ANKS1B: variants seen among roughly 807,000 people sequenced by gnomAD.
ANKS1B encodes ankyrin repeat and sterile alpha motif domain-containing protein 1B.
ANKS1B carries 36 observed loss-of-function variants against 148.3 expected under a neutral mutation model. The ratio of observed to expected loss-of-function variants is 0.24; its 90% CI spans 0.19 to 0.32. ANKS1B has a LOEUF of 0.32. ANKS1B is among the 10% of genes least tolerant of loss of function. The pLI, the probability that ANKS1B is intolerant of heterozygous loss-of-function variation, is 1.00. For synonymous variants in ANKS1B, 542 were observed against 560.8 expected, an observed-to-expected ratio of 0.97 and a Z score of 0.47; for missense variants, 1,157 against 1,542.6, an observed-to-expected ratio of 0.75 and a Z score of 4.19.
Position 99,049,306 on chromosome 12 carries a change from G to A in ANKS1B, c.2778+3851C>T, listed in dbSNP as rs532866942. On this transcript the variant is annotated intron_variant, in intron 17 of 26. Transcript: ENST00000683438. ...TTACCTTTATTCAATATGTACACAC[G>A]CACACACACACACACACCCACACAC... 1.2e-3 allele frequency among the ~76,000 whole-genome samples: 172 copies of A among 148,350 alleles called. 2 individuals are homozygous for A. Among genetic ancestry groups the A allele is most frequent in the African/African-American group, 3.6e-3 (147 of 40,382 alleles).
Position 99,203,641 on chromosome 12 carries a change from T to C in ANKS1B, c.2419+40701A>G, listed in dbSNP as rs569249712. Among the ~76,000 whole-genome samples the C allele has an allele frequency of 8.6e-3, 1,305 of 152,132 alleles. 23 individuals are homozygous for C. The highest frequency in any genetic ancestry group is 0.03 in the African/African-American group (1,251 of 41,502). On this transcript the variant is annotated intron_variant, in intron 14 of 26. Transcript: ENST00000683438. Reference sequence around the variant, plus strand: ...AATTTTTTTGTACTTTTAGTAGAGATGGGGTTTCACTGTGTTAGCCAGGAT... The same window carrying C: ...AATTTTTTTGTACTTTTAGTAGAGACGGGGTTTCACTGTGTTAGCCAGGAT...
intron 9 of ANKS1B, among the ~76,000 whole-genome samples, chr12:99,645,789 C>G (rs1355089105): frequency 2.0e-5 from 3 of 151,960 alleles, no homozygotes; most frequent in Admixed American, 2.0e-4. Flanking sequence ...CAGACAAACC[C>G]CATCAAATTC....
intron 12 of ANKS1B, among the ~76,000 whole-genome samples, chr12:99,359,323 A>G (rs1329671883): frequency 1.3e-5 from 2 of 151,994 alleles, no homozygotes; most frequent in Non-Finnish European, 2.9e-5. Context: ...CTCTTGTTAT[A>G]TTTAGTAGGA....
chr12:99,228,972 C>T (rs1257759529), intron 14 of ANKS1B, among the ~76,000 whole-genome samples: 1 of 151,626 alleles, frequency 6.6e-6, no homozygotes, highest in African/African-American at 2.4e-5. Context: ...TATTTGTTTA[C>T]TAAATTTGGA....
intron 14 of ANKS1B, among the ~76,000 whole-genome samples, chr12:99,217,464 G>A (rs539426621): frequency 6.6e-6 from 1 of 152,170 alleles, no homozygotes; most frequent in Admixed American, 6.5e-5. Flanking sequence ...CTGCCTGGAT[G>A]TTCCATTATG....
chr12:99,531,826 T>C (rs980229107), intron 9 of ANKS1B, among the ~76,000 whole-genome samples: 1 of 152,198 alleles, frequency 6.6e-6, no homozygotes, highest in Non-Finnish European at 1.5e-5. Flanking sequence ...ACCAACAGTT[T>C]ATAAGCATTC....
intron 14 of ANKS1B, among the ~76,000 whole-genome samples, chr12:99,237,292 CT>C: frequency 6.6e-6 from 1 of 152,080 alleles, no homozygotes; most frequent in East Asian, 1.9e-4. Flanking sequence ...TTATACCCAG[CT>C]GTATAGGCCC....
In ANKS1B at chr12:99,132,949, CT is replaced by C. The variant is rs543746339; in HGVS notation, c.2526+21339del. ...CTGGAAACTTAAAATTCATTGAAAA[CT>C]GTGCCTTGTCATATATTTGATTTTT... On this transcript the variant is annotated intron_variant, in intron 15 of 26. Transcript: ENST00000683438. 2.5e-3 allele frequency among the ~76,000 whole-genome samples: 379 copies of C among 151,804 alleles called. 2 individuals are homozygous for C. The highest frequency in any genetic ancestry group is 4.9e-3 in the Non-Finnish European group (330 of 67,966).
chr12:99,891,559 T>C lies in ANKS1B; in HGVS notation c.135-66170A>G, dbSNP rs183389887. Among the ~76,000 whole-genome samples the C allele has an allele frequency of 4.7e-5, 7 of 150,244 alleles. No individual in the cohort carries two copies. In the East Asian group the frequency reaches 7.7e-4, roughly 17 times the overall value. On this transcript the variant is annotated intron_variant, in intron 1 of 26. Transcript: ENST00000683438. ...AATTTGCATTTGTCTAATGACTATT[T>C]ATGTTGAGCATATTTTCATGTGTTT...
At chr12:98,928,109 A>T (rs544524005) in intron 17 of ANKS1B, among the ~76,000 whole-genome samples, 22 of 151,648 alleles carry the variant, frequency 1.5e-4, no homozygotes, top group Non-Finnish European at 3.0e-4. Context: ...AAGAGGGGAT[A>T]TTGGCTGTGC....
intron 12 of ANKS1B, among the ~76,000 whole-genome samples, chr12:99,358,714 G>A (rs890252566): frequency 1.3e-4 from 20 of 151,598 alleles, no homozygotes; most frequent in Non-Finnish European, 2.2e-4. Flanking sequence ...CACAGGCACA[G>A]AATTCTACTC....
At chr12:98,841,670 G>A (rs2099406811) in intron 17 of ANKS1B, among the ~76,000 whole-genome samples, 1 of 152,030 alleles carries the variant, frequency 6.6e-6, no homozygotes, top group Admixed American at 6.5e-5. Context: ...GCTACGTATG[G>A]AGGCAAAAAG....
intron 1 of ANKS1B, among the ~76,000 whole-genome samples, chr12:99,915,682 T>A (rs1424872914): frequency 6.6e-6 from 1 of 152,166 alleles, no homozygotes; most frequent in Non-Finnish European, 1.5e-5. Flanking sequence ...AGCCATTTTG[T>A]TTATAGAAGC....
At chr12:99,690,184 C>T (rs947829585) in intron 8 of ANKS1B, among the ~76,000 whole-genome samples, 22 of 152,028 alleles carry the variant, frequency 1.4e-4, no homozygotes, top group African/African-American at 4.8e-4. Context: ...GGGAAACCGC[C>T]GCCATAATCT....
intron 16 of ANKS1B, among the ~76,000 whole-genome samples, chr12:99,066,977 G>A (rs1367492709): frequency 3.3e-5 from 5 of 152,146 alleles, no homozygotes; most frequent in Non-Finnish European, 7.3e-5. Flanking sequence ...CAGGGGCCTG[G>A]AAAGACTCTG....
chr12:99,198,160 G>A (rs1459957930), intron 14 of ANKS1B, among the ~76,000 whole-genome samples: 1 of 152,052 alleles, frequency 6.6e-6, no homozygotes, highest in Non-Finnish European at 1.5e-5. Context: ...TGGCCACACA[G>A]CACTCTGCAT....
Position 98,801,977 on chromosome 12 carries a change from G to A in ANKS1B, c.3142-852C>T, listed in dbSNP as rs1169487453. ...AGCATCTATAAAGTCAAAGGCCAGT[G>A]TTGGCAGGTATTTTCTGGGCTCTAC... On this transcript the variant is annotated intron_variant, in intron 20 of 26. Transcript: ENST00000683438. The surrounding 1 kb of genome is among the most constrained non-coding windows in gnomAD (Gnocchi z 5.2). Among the ~76,000 whole-genome samples the A allele has an allele frequency of 6.6e-6, 1 of 152,220 alleles. No individual in the cohort carries two copies. The highest frequency in any genetic ancestry group is 2.4e-5 in the African/African-American group (1 of 41,460).
chr12:98,788,936 T>C (rs911049058), intron 22 of ANKS1B, among the ~76,000 whole-genome samples: 2 of 152,220 alleles, frequency 1.3e-5, no homozygotes, highest in East Asian at 3.8e-4. Flanking sequence ...TTGAGAGCAA[T>C]TAACAAGAAT....
At chr12:98,824,972 G>C (rs964524453) in intron 19 of ANKS1B, among the ~76,000 whole-genome samples, 15 of 152,106 alleles carry the variant, frequency 9.9e-5, no homozygotes, top group Middle Eastern at 3.4e-3. Context: ...TGAGAAATTA[G>C]TATTTGTTGA....
Sources: allele counts gnomAD v4.1 joint callset (sites outside exome capture counted in the v4.1 genomes callset), GRCh38; gene constraint gnomAD v4.1.1; non-coding constraint Gnocchi (gnomAD v3.1); transcripts MANE v1.5; gene names NCBI Gene and HGNC (gene_info 2026-07-23, HGNC 2026-07-21).